The following C10orf90 variants were observed in gnomAD, a reference collection of about 807,000 sequenced individuals.
C10orf90 encodes the protein chromosome 10 open reading frame 90, also known as (E2-independent) E3 ubiquitin-conjugating enzyme FATS.
In C10orf90, 56 loss-of-function variants were observed where a neutral mutation model predicts 62.5. The ratio of observed to expected loss-of-function variants is 0.90; its 90% CI spans 0.72 to 1.12. C10orf90 has a LOEUF of 1.12. C10orf90 is among the 50% of genes most tolerant of loss of function. The pLI is 0.00. For missense variants in C10orf90, 970 were observed against 880.4 expected (o/e 1.10, Z -1.29); for synonymous variants, 386 against 340.4 (o/e 1.13, Z -1.47).
chr10:126,634,879 C>T (rs1226870767), intron 2 of C10orf90, among the ~76,000 whole-genome samples: 1 of 152,172 alleles, frequency 6.6e-6, no homozygotes, highest in Non-Finnish European at 1.5e-5. Context: ...GAACAGTATC[C>T]TTTGACACAA....
At chr10:126,494,222 TCCCA>T (rs1861917222) in intron 4 of C10orf90, among the ~76,000 whole-genome samples, 1 of 152,156 alleles carries the variant, frequency 6.6e-6, no homozygotes, top group African/African-American at 2.4e-5. Flanking sequence ...GACTTTCACA[TCCCA>T]CCTGAAGATT....
intron 4 of C10orf90, among the ~76,000 whole-genome samples, chr10:126,484,917 A>G (rs1464877896): frequency 2.0e-5 from 3 of 152,256 alleles, no homozygotes; most frequent in Non-Finnish European, 4.4e-5. Context: ...CAGGGAAAAC[A>G]GGTCACTCTA....
chr10:126,626,169 G>A (rs1358785488), intron 2 of C10orf90, among the ~76,000 whole-genome samples: 6 of 150,530 alleles, frequency 4.0e-5, no homozygotes, highest in Non-Finnish European at 7.4e-5. Flanking sequence ...TCCAGACACC[G>A]TTGATTTCCT....
chr10:126,592,161 T>A (rs1844993015), intron 2 of C10orf90, among the ~76,000 whole-genome samples: 1 of 152,192 alleles, frequency 6.6e-6, no homozygotes, highest in Admixed American at 6.5e-5. Flanking sequence ...CCCATTAAAC[T>A]ACCATTGACA....
intron 2 of C10orf90, among the ~76,000 whole-genome samples, chr10:126,569,234 G>A (rs1844456450): frequency 6.6e-6 from 1 of 152,186 alleles, no homozygotes; most frequent in African/African-American, 2.4e-5. Flanking sequence ...TATGATTCCT[G>A]AGGGCTCTGG....
intron 4 of C10orf90, 67 bp from the exon 5 acceptor site, chr10:126,465,053 C>A: frequency 6.5e-7 from 1 of 1,529,600 alleles, no homozygotes; most frequent in Non-Finnish European, 8.9e-7. Flanking sequence ...TGACTTCTAC[C>A]GCACATGGTG....
chr10:126,438,551 A>G lies in C10orf90; in HGVS notation c.2189-8701T>C, dbSNP rs1332008413. The stretch of plus-strand genomic sequence containing the variant: ...AAGAATACAGTATACGACAAATAAC[A>G]TATTTTTCAAAGGAATCTGAAGGAA... On this transcript the variant is annotated intron_variant, in intron 7 of 9. Coordinates refer to ENST00000488181, the MANE Select transcript of C10orf90 (RefSeq NM_001350921.2). Among the ~76,000 whole-genome samples the G allele has an allele frequency of 6.6e-4, 100 of 152,168 alleles. 1 individual carries two copies. Among genetic ancestry groups the G allele is most frequent in the Non-Finnish European group, 1.6e-4 (11 of 68,032 alleles).
At chr10:126,662,004 T>C (rs1846524845) in intron 1 of C10orf90, among the ~76,000 whole-genome samples, 1 of 152,132 alleles carries the variant, frequency 6.6e-6, no homozygotes, top group Non-Finnish European at 1.5e-5. Flanking sequence ...TCATATGCTC[T>C]GGATTCTTTG....
chr10:126,591,920 C>T (rs1329834230), intron 2 of C10orf90, among the ~76,000 whole-genome samples: 1 of 151,898 alleles, frequency 6.6e-6, no homozygotes, highest in Non-Finnish European at 1.5e-5. Flanking sequence ...AAGCAGAGAG[C>T]CAAATCATGA....
At chr10:126,565,043 A>ATT (rs1423640154) in intron 2 of C10orf90, among the ~76,000 whole-genome samples, 237 of 12,344 alleles carry the variant, frequency 0.019, 56 homozygotes, top group Non-Finnish European at 0.027. Flanking sequence ...TAAAATATAT[A>ATT]ATATATAATA....
chr10:126,578,131 A>T (rs925135802), intron 2 of C10orf90, among the ~76,000 whole-genome samples: 1 of 152,214 alleles, frequency 6.6e-6, no homozygotes, highest in Admixed American at 6.5e-5. Flanking sequence ...TGCATAAAAC[A>T]TTAATAAATT....
intron 2 of C10orf90, among the ~76,000 whole-genome samples, chr10:126,589,279 G>A (rs1844934237): frequency 6.6e-6 from 1 of 152,228 alleles, no homozygotes. Flanking sequence ...GTTGGAAAAC[G>A]TACTTCAGGA....
At chr10:126,502,395 T>C (rs1478902566) in intron 4 of C10orf90, among the ~76,000 whole-genome samples, 1 of 152,222 alleles carries the variant, frequency 6.6e-6, no homozygotes, top group Non-Finnish European at 1.5e-5. Context: ...CTGGGGGATG[T>C]TGGCCTGCAG....
Position 126,459,045 on chromosome 10 carries a change from A to T in C10orf90, c.2183T>A (p.Leu728Gln). 1 of 1,611,736 alleles carries T rather than the reference A, an allele frequency of 6.2e-7. No individual in the cohort carries two copies. The highest frequency in any genetic ancestry group is 8.5e-7 in the Non-Finnish European group (1 of 1,179,414). ...SKKQFTIPHP[L>Q]SDNLFKPKER... Reference sequence around the variant, plus strand: ...ACAAGCCACCTGCAGCTTACCACTCAGAGGATGGGGAATCGTGAACTGCTT... The same window carrying T: ...ACAAGCCACCTGCAGCTTACCACTCTGAGGATGGGGAATCGTGAACTGCTT... The change falls in exon 7 of 10, where the codon CTG becomes CAG. Residue 728 changes from leucine to glutamine, a missense_variant. By Grantham distance (113) the Leu-to-Gln change is moderately radical. Transcript: ENST00000488181.
chr10:126,570,632 T>C (rs1403366243), intron 2 of C10orf90, among the ~76,000 whole-genome samples: 1 of 152,186 alleles, frequency 6.6e-6, no homozygotes, highest in African/African-American at 2.4e-5. Context: ...CATTGTAAAA[T>C]CATTCTCAAA....
At chr10:126,490,021 A>ATATATT (rs1334279972) in intron 4 of C10orf90, among the ~76,000 whole-genome samples, 2 of 63,940 alleles carry the variant, frequency 3.1e-5, no homozygotes, top group African/African-American at 7.5e-5. Flanking sequence ...TATTATATAT[A>ATATATT]ATATATAATA....
chr10:126,554,835 G>A (rs777506532), intron 2 of C10orf90, among the ~76,000 whole-genome samples: 2 of 152,218 alleles, frequency 1.3e-5, no homozygotes, highest in African/African-American at 2.4e-5. Context: ...ATAGCAAAAT[G>A]TATAGCACAA....
Position 126,656,935 on chromosome 10 carries a change from G to A in C10orf90, c.241-10298C>T, listed in dbSNP as rs186177051. The stretch of plus-strand genomic sequence containing the variant: ...AATTCAACAAACATACAACTAGTTC[G>A]GGAAACAGGACATGCACCTGACCTC... On this transcript the variant is annotated intron_variant, in intron 1 of 9. Transcript: ENST00000488181. 1.7e-3 allele frequency among the ~76,000 whole-genome samples: 265 copies of A among 152,194 alleles called. 1 individual carries two copies. The highest frequency in any genetic ancestry group is 2.4e-3 in the Non-Finnish European group (163 of 68,002).
chr10:126,612,809 C>A (rs1230676486), intron 2 of C10orf90, among the ~76,000 whole-genome samples: 1 of 152,130 alleles, frequency 6.6e-6, no homozygotes, highest in East Asian at 1.9e-4. Flanking sequence ...CCAACATTTA[C>A]GTGTTTCTAA....
Sources: gnomAD v4.1 joint callset for allele counts (sites outside exome capture counted in the v4.1 genomes callset) on GRCh38, gnomAD v4.1.1 for gene constraint, MANE v1.5 for transcripts, NCBI Gene and HGNC (gene_info 2026-07-23, HGNC 2026-07-21) for gene names.